ENOSF1: variants seen among roughly 807,000 people sequenced by gnomAD.
ENOSF1 encodes the protein mitochondrial enolase superfamily member 1.
In ENOSF1, 73 loss-of-function variants were observed where a neutral mutation model predicts 68.2. The observed-to-expected ratio is 1.07, with a 90% CI of 0.89 to 1.30. The LOEUF (loss-of-function observed/expected upper bound fraction) is 1.30. Ranked by LOEUF, ENOSF1 falls within the 50% of genes most tolerant of loss-of-function variation. The pLI is 0.00. For synonymous variants in ENOSF1, 223 were observed against 210.4 expected (o/e 1.06, Z -0.52); for missense variants, 589 against 554.5 (o/e 1.06, Z -0.62).
At chr18:708,554 A>G (rs972787520) in intron 1 of ENOSF1, among the ~76,000 whole-genome samples, 8 of 152,170 alleles carry the variant, frequency 5.3e-5, no homozygotes, top group African/African-American at 1.9e-4. Flanking sequence ...TTAATAATAT[A>G]AGGCAGAAAA....
chr18:689,138 G>A (rs1321181618), intron 8 of ENOSF1, among the ~76,000 whole-genome samples: 1 of 152,148 alleles, frequency 6.6e-6, no homozygotes, highest in Admixed American at 6.5e-5. Flanking sequence ...GTCTACCGCT[G>A]GTGCTGCCCA....
intron 5 of ENOSF1, 69 bp from the exon 6 acceptor site, chr18:691,345 A>T: frequency 7.5e-7 from 1 of 1,332,398 alleles, no homozygotes; most frequent in Admixed American, 2.0e-5. Context: ...GTTTTTTAAA[A>T]TTTATTATTC....
At chr18:669,889 G>T (rs1313219512), downstream of ENOSF1, among the ~76,000 whole-genome samples, 1 of 151,692 alleles carries the variant, frequency 6.6e-6, no homozygotes, top group Admixed American at 6.6e-5. Flanking sequence ...TTGAACCCAG[G>T]AATTTGAGGC....
At chr18:706,343 T>C (rs995154657) in intron 2 of ENOSF1, 127 bp downstream of exon 2, 4 of 688,036 alleles carry the variant, frequency 5.8e-6, no homozygotes, top group Non-Finnish European at 1.0e-5. Context: ...CTTTGAGCAG[T>C]GTAAATACAG....
At chr18:683,541 G>T in intron 10 of ENOSF1, 161 bp from the exon 11 acceptor site, 1 of 750,142 alleles carries the variant, frequency 1.3e-6, no homozygotes, top group Non-Finnish European at 2.1e-6. Flanking sequence ...AACAAAAAGA[G>T]CCAGAGAGCA....
intron 2 of ENOSF1, among the ~76,000 whole-genome samples, chr18:702,595 C>T (rs965363463): frequency 1.3e-5 from 2 of 151,808 alleles, no homozygotes; most frequent in South Asian, 2.1e-4. Context: ...GAAACATTAG[C>T]TAGGCATGGT....
chr18:664,111 A>G, the ENOSF1 span, among the ~76,000 whole-genome samples: 1 of 150,200 alleles, frequency 6.7e-6, no homozygotes, highest in South Asian at 2.1e-4. Flanking sequence ...CTTGGGCAGT[A>G]TGGCCATTTT....
chr18:666,101 T>C, downstream of ENOSF1, among the ~76,000 whole-genome samples: 1 of 113,310 alleles, frequency 8.8e-6, no homozygotes, highest in Non-Finnish European at 1.7e-5. Context: ...ATCTGTCTAA[T>C]GTTGACAGTG....
rs1336465521 is a variant in ENOSF1, at chr18:706,582, CAGG to C, written c.85-7_85-5del. On this transcript the variant is annotated splice_polypyrimidine_tract_variant and splice_region_variant and intron_variant, in intron 1 of 15. Transcript: ENST00000647584. ...CCGAGTAGTCAGGGTCCGTGTGCTGCAGGAGAAGAGTTCCCCGCCGAAACAATG... is the reference window on the plus strand; with the variant it reads ...CCGAGTAGTCAGGGTCCGTGTGCTGCAGAAGAGTTCCCCGCCGAAACAATG... The C allele has an allele frequency of 5.0e-6, 8 of 1,609,418 alleles. No individual in the cohort carries two copies. The highest frequency in any genetic ancestry group is 3.3e-5 in the South Asian group (3 of 90,916).
intron 1 of ENOSF1, among the ~76,000 whole-genome samples, chr18:709,607 C>T (rs563757931): frequency 6.6e-6 from 1 of 152,076 alleles, no homozygotes; most frequent in South Asian, 2.1e-4. Context: ...CCCGTCTCTA[C>T]CAAAAATACA....
intron 8 of ENOSF1, among the ~76,000 whole-genome samples, chr18:690,107 T>C (rs2076998836): frequency 6.6e-6 from 1 of 152,070 alleles, no homozygotes; most frequent in South Asian, 2.1e-4. Flanking sequence ...CTCTTCAGTT[T>C]GGCTGTTCTT....
At chr18:675,564 C>T (rs1263111293) in intron 14 of ENOSF1, 162 bp from the exon 15 acceptor site, 5 of 623,870 alleles carry the variant, frequency 8.0e-6, no homozygotes, top group Non-Finnish European at 1.4e-5. Flanking sequence ...ACCTCTGTGC[C>T]TCAGGTCCTT....
chr18:666,070 T>C (rs1315774071), downstream of ENOSF1, among the ~76,000 whole-genome samples: 6 of 98,908 alleles, frequency 6.1e-5, 2 homozygotes, highest in East Asian at 2.3e-3. Context: ...TGGGTATCCT[T>C]GTTAACTTTC....
intron 13 of ENOSF1, 40 bp downstream of exon 13, chr18:677,703 G>A: frequency 1.3e-6 from 2 of 1,591,236 alleles, no homozygotes; most frequent in South Asian, 2.3e-5. Context: ...GATTAGTGGG[G>A]AAATGAAGGT....
chr18:678,323 G>C (rs959114615), intron 12 of ENOSF1: 1 of 324,126 alleles, frequency 3.1e-6, no homozygotes, highest in African/African-American at 2.1e-5. Flanking sequence ...AGCAGGTTTT[G>C]GCAGGCACTC....
downstream of ENOSF1, among the ~76,000 whole-genome samples, chr18:666,927 T>TGATGGA (rs1323046320): frequency 1.5e-4 from 8 of 54,662 alleles, 2 homozygotes; most frequent in Admixed American, 1.1e-3. Context: ...ATGGAGATGG[T>TGATGGA]GATGGTGATG....
At chr18:682,963 A>G (rs1156811172) in intron 11 of ENOSF1, 2 of 371,050 alleles carry the variant, frequency 5.4e-6, no homozygotes, top group African/African-American at 4.2e-5. Flanking sequence ...TTTACAAAGC[A>G]TAGGAACCAT....
chr18:693,983 G>A, intron 4 of ENOSF1, 75 bp from the exon 5 acceptor site: 1 of 1,481,042 alleles, frequency 6.8e-7, no homozygotes, highest in Non-Finnish European at 9.1e-7. Context: ...AAACGCGTTG[G>A]CAGCTCTAAT....
chr18:670,790 A>G lies in ENOSF1; in HGVS notation c.*3515T>C. 6.2e-7 allele frequency: 1 copy of G among 1,614,072 alleles called. No homozygotes were observed. ...CCAGCTGTACCAGAGATCGGGAGACATGGGCCTCGGTGTGCCTTTCAACAT... is the reference window on the plus strand; with the variant it reads ...CCAGCTGTACCAGAGATCGGGAGACGTGGGCCTCGGTGTGCCTTTCAACAT... On this transcript the variant is annotated 3_prime_UTR_variant, in exon 16 of 16. Coordinates refer to ENST00000647584, the MANE Select transcript of ENOSF1 (RefSeq NM_017512.7).
Sources: allele counts gnomAD v4.1 joint callset (sites outside exome capture counted in the v4.1 genomes callset), GRCh38; gene constraint gnomAD v4.1.1; transcripts MANE v1.5; gene names NCBI Gene and HGNC (gene_info 2026-07-23, HGNC 2026-07-21).